EPM2A: variants seen among roughly 807,000 people sequenced by gnomAD.
EPM2A encodes laforin.
In EPM2A, 21 loss-of-function variants were observed where a neutral mutation model predicts 26.5. That is an observed-to-expected ratio of 0.79 (90% CI 0.56 to 1.14). The LOEUF is 1.14. EPM2A is among the 50% of genes most tolerant of loss of function. The pLI, the probability that EPM2A is intolerant of heterozygous loss-of-function variation, is 0.00. For synonymous variants in EPM2A, 217 were observed against 177.6 expected, an observed-to-expected ratio of 1.22 and a Z score of -1.76; for missense variants, 458 against 440.8, an observed-to-expected ratio of 1.04 and a Z score of -0.35.
chr6:145,398,851 C>A (rs1227986535), intron 4 of EPM2A, among the ~76,000 whole-genome samples: 1 of 121,108 alleles, frequency 8.3e-6, no homozygotes, highest in Non-Finnish European at 1.7e-5. Context: ...CAGAGTGAGA[C>A]TCTGTCTCAA....
chr6:145,524,145 A>G (rs1159027335), intron 2 of EPM2A, among the ~76,000 whole-genome samples: 1 of 152,210 alleles, frequency 6.6e-6, no homozygotes, highest in Admixed American at 6.5e-5. Flanking sequence ...GCTGCATAGT[A>G]TTCCACTGCA....
At chr6:145,584,178 G>T (rs944983386) in intron 2 of EPM2A, among the ~76,000 whole-genome samples, 3 of 152,194 alleles carry the variant, frequency 2.0e-5, no homozygotes, top group African/African-American at 4.8e-5. Flanking sequence ...AGTGTCAGGG[G>T]GAGGTTGAAG....
chr6:145,511,122 G>A (rs927765739), intron 2 of EPM2A, among the ~76,000 whole-genome samples: 1 of 151,764 alleles, frequency 6.6e-6, no homozygotes, highest in Non-Finnish European at 1.5e-5. Flanking sequence ...ATCAGAAAAG[G>A]CCCTGGACCA....
intron 2 of EPM2A, among the ~76,000 whole-genome samples, chr6:145,530,671 T>G (rs906446327): frequency 6.6e-6 from 1 of 152,174 alleles, no homozygotes; most frequent in Non-Finnish European, 1.5e-5. Flanking sequence ...AATGTGCCCA[T>G]AGCTGACAAT....
chr6:145,400,490 C>G (rs984718699), intron 4 of EPM2A, among the ~76,000 whole-genome samples: 6 of 152,110 alleles, frequency 3.9e-5, no homozygotes, highest in African/African-American at 1.4e-4. Flanking sequence ...TATTGACCCC[C>G]GCCCTTTTTT....
At chr6:145,719,260 G>T (rs60875801) in intron 1 of EPM2A, among the ~76,000 whole-genome samples, 9,630 of 148,272 alleles carry the variant, frequency 0.065, 1,057 homozygotes, top group African/African-American at 0.22. Flanking sequence ...AAGAAAATGT[G>T]GCACATATAC....
chr6:145,388,747 A>G (rs1778297439), intron 4 of EPM2A, among the ~76,000 whole-genome samples: 1 of 152,074 alleles, frequency 6.6e-6, no homozygotes, highest in African/African-American at 2.4e-5. Flanking sequence ...CCCACTTATG[A>G]GTGAGAACAT....
intron 2 of EPM2A, among the ~76,000 whole-genome samples, chr6:145,527,693 CAGA>C (rs1780297860): frequency 6.6e-6 from 1 of 151,996 alleles, no homozygotes; most frequent in South Asian, 2.1e-4. Flanking sequence ...CTCTTAAAGA[CAGA>C]AGAAGGATGG....
At position 145,554,591 on chromosome 6, in the gene EPM2A, T is replaced by C. The variant is rs911529403; in HGVS notation, c.341-52016A>G. On this transcript the variant is annotated intron_variant, in intron 2 of 3. Transcript: ENST00000450221. ...AAACAGAAATTTATTTAGCTCATGG[T>C]TCTGGAGGCTAGGAGGTCCAATACA... Among the ~76,000 whole-genome samples, 4 of 152,234 alleles carry C rather than the reference T, an allele frequency of 2.6e-5. No individual in the cohort carries two copies. In the South Asian group the frequency reaches 6.2e-4, roughly 24 times the overall value.
intron 2 of EPM2A, among the ~76,000 whole-genome samples, chr6:145,654,183 T>C (rs1044645067): frequency 2.9e-5 from 4 of 140,308 alleles, no homozygotes; most frequent in Non-Finnish European, 4.7e-5. Context: ...ATTTTCTACA[T>C]AGACTATGCA....
At chr6:145,662,578 G>A (rs1191441988) in intron 2 of EPM2A, among the ~76,000 whole-genome samples, 3 of 152,086 alleles carry the variant, frequency 2.0e-5, no homozygotes, top group East Asian at 1.9e-4. Flanking sequence ...GGTCACCTCC[G>A]AATACAGCAT....
At chr6:145,612,945 G>A (rs1244088109) in intron 2 of EPM2A, among the ~76,000 whole-genome samples, 1 of 151,648 alleles carries the variant, frequency 6.6e-6, no homozygotes, top group African/African-American at 2.4e-5. Flanking sequence ...GGCTGGCTGT[G>A]GCAATTTCAT....
intron 4 of EPM2A, among the ~76,000 whole-genome samples, chr6:145,471,703 A>T (rs1562348527): frequency 2.6e-5 from 4 of 152,156 alleles, no homozygotes; most frequent in Admixed American, 6.6e-5. Flanking sequence ...GGAGAATTTA[A>T]ATCAGCCCTA....
At chr6:145,482,084 A>G (rs959975244) in intron 4 of EPM2A, among the ~76,000 whole-genome samples, 2 of 152,180 alleles carry the variant, frequency 1.3e-5, no homozygotes, top group Non-Finnish European at 2.9e-5. Context: ...GGAACTACAA[A>G]CATCCAACTA....
chr6:145,627,143 AG>A lies in EPM2A; in HGVS notation c.*272del. The stretch of plus-strand genomic sequence containing the variant: ...AAGGCCTCGTCTGCCTGCAGGCAGC[AG>A]GAACTGCACGCATTACCCTTCTGTC... On this transcript the variant is annotated 3_prime_UTR_variant, in exon 4 of 4. Transcript: ENST00000367519. 7.4e-7 allele frequency: 1 copy of A among 1,355,552 alleles called. No individual in the cohort carries two copies. Among genetic ancestry groups the A allele is most frequent in the Non-Finnish European group, 9.5e-7 (1 of 1,050,144 alleles). The allele number at this position is 1,355,552 out of a possible 1,614,324, so 84.0% of individuals were successfully genotyped here. A position where few individuals can be genotyped will look rare whatever the true frequency, so the allele number is the denominator to read the frequency against.
intron 2 of EPM2A, among the ~76,000 whole-genome samples, chr6:145,598,140 A>G (rs894069892): frequency 3.3e-5 from 5 of 152,212 alleles, no homozygotes; most frequent in Admixed American, 3.3e-4. Flanking sequence ...CTCTTTGAGA[A>G]ATAATCATAC....
chr6:145,659,741 C>G (rs1752782883), intron 2 of EPM2A, among the ~76,000 whole-genome samples: 1 of 152,180 alleles, frequency 6.6e-6, no homozygotes, highest in African/African-American at 2.4e-5. Flanking sequence ...GCATAGTGAA[C>G]TGTAACCTAA....
At chr6:145,556,659 A>G (rs1780731793) in intron 2 of EPM2A, among the ~76,000 whole-genome samples, 1 of 152,112 alleles carries the variant, frequency 6.6e-6, no homozygotes, top group Non-Finnish European at 1.5e-5. Context: ...AACTTTGAGA[A>G]GCAGACCACC....
chr6:145,428,963 G>A (rs936148194), intron 4 of EPM2A, among the ~76,000 whole-genome samples: 3 of 152,140 alleles, frequency 2.0e-5, no homozygotes, highest in Non-Finnish European at 4.4e-5. Context: ...TTAAAACCAC[G>A]TTGCCATTTG....
Sources: allele counts gnomAD v4.1 joint callset (sites outside exome capture counted in the v4.1 genomes callset), GRCh38; gene constraint gnomAD v4.1.1; transcripts MANE v1.5; gene names NCBI Gene and HGNC (gene_info 2026-07-23, HGNC 2026-07-21).